The following APBB2 variants were observed in gnomAD, a reference collection of about 807,000 sequenced individuals.
The protein encoded by APBB2 is Fe65-like 1.
Under a neutral mutation model 82.5 loss-of-function variants are expected in APBB2, and 38 were observed. The ratio of observed to expected loss-of-function variants is 0.46; its 90% CI spans 0.36 to 0.60. The LOEUF (loss-of-function observed/expected upper bound fraction) is 0.60. Ranked by LOEUF, APBB2 falls within the 20% of genes least tolerant of loss-of-function variation. The pLI is 0.00. For missense variants in APBB2, 772 were observed against 972.3 expected, an observed-to-expected ratio of 0.79 and a Z score of 2.74; for synonymous variants, 341 against 368.2, an observed-to-expected ratio of 0.93 and a Z score of 0.85.
At chr4:41,176,666 AT>A (rs1227367436) in intron 1 of APBB2, among the ~76,000 whole-genome samples, 1 of 152,236 alleles carries the variant, frequency 6.6e-6, no homozygotes, top group South Asian at 2.1e-4. Context: ...GAACTCAGAC[AT>A]TTTGTAGCTT....
At chr4:41,039,899 G>A (rs1299719942) in intron 4 of APBB2, among the ~76,000 whole-genome samples, 3 of 150,100 alleles carry the variant, frequency 2.0e-5, no homozygotes, top group Admixed American at 6.6e-5. Flanking sequence ...ACCCATACTT[G>A]TTTCCTCAAC....
intron 2 of APBB2, among the ~76,000 whole-genome samples, chr4:41,101,454 G>C (rs936061753): frequency 9.1e-6 from 1 of 109,996 alleles, no homozygotes; most frequent in Non-Finnish European, 1.7e-5. Context: ...CTGGGCGACA[G>C]AGCGAGACTC....
intron 10 of APBB2, among the ~76,000 whole-genome samples, chr4:40,911,732 C>T (rs1002533153): frequency 2.6e-5 from 4 of 152,044 alleles, no homozygotes; most frequent in Admixed American, 2.0e-4. Flanking sequence ...AATGTGTCTG[C>T]AGTCCTCATA....
chr4:40,845,331 T>C (rs1336755491), intron 12 of APBB2, among the ~76,000 whole-genome samples: 3 of 151,610 alleles, frequency 2.0e-5, no homozygotes, highest in African/African-American at 7.3e-5. Flanking sequence ...AGTCTGAGAG[T>C]GGAGAAGGCT....
intron 12 of APBB2, among the ~76,000 whole-genome samples, chr4:40,887,685 G>A (rs16852595): frequency 0.011 from 1,667 of 152,180 alleles, 36 homozygotes; most frequent in African/African-American, 0.038. Context: ...AAAATTTACC[G>A]TTTCCATGCC....
chr4:41,159,314 C>T (rs1381933773), intron 1 of APBB2, among the ~76,000 whole-genome samples: 1 of 152,020 alleles, frequency 6.6e-6, no homozygotes, highest in Non-Finnish European at 1.5e-5. Flanking sequence ...AATATAAAGT[C>T]AGATAAAAAT....
At chr4:41,173,277 T>C (rs1462828931) in intron 1 of APBB2, among the ~76,000 whole-genome samples, 2 of 152,300 alleles carry the variant, frequency 1.3e-5, no homozygotes, top group South Asian at 2.1e-4. Context: ...TTAGTTAACA[T>C]AAAAATGGGG....
At chr4:41,195,811 T>C in intron 1 of APBB2, among the ~76,000 whole-genome samples, 1 of 152,100 alleles carries the variant, frequency 6.6e-6, no homozygotes, top group Non-Finnish European at 1.5e-5. Context: ...CTTCCCGCCA[T>C]ATGCACAACC....
intron 2 of APBB2, among the ~76,000 whole-genome samples, chr4:41,126,211 C>A (rs1171587337): frequency 6.9e-6 from 1 of 144,070 alleles, no homozygotes; most frequent in African/African-American, 2.6e-5. Context: ...GAGATCGTGT[C>A]TCTACAAAAA....
intron 6 of APBB2, among the ~76,000 whole-genome samples, chr4:40,982,297 G>GAAA (rs1798927075): frequency 1.4e-4 from 3 of 21,690 alleles, no homozygotes; most frequent in African/African-American, 4.7e-4. Flanking sequence ...AAGGAAGGAA[G>GAAA]GAAGGAAGGA....
intron 3 of APBB2, among the ~76,000 whole-genome samples, chr4:41,093,124 T>C (rs1450845173): frequency 2.0e-5 from 3 of 152,216 alleles, no homozygotes; most frequent in African/African-American, 4.8e-5. Flanking sequence ...TCCTGGAAGA[T>C]GAAAGAAACC....
At chr4:40,983,038 A>G (rs573670999) in intron 6 of APBB2, among the ~76,000 whole-genome samples, 15 of 152,326 alleles carry the variant, frequency 9.8e-5, no homozygotes, top group African/African-American at 3.4e-4. Flanking sequence ...ATTTGGGGCT[A>G]TGAAAATACT....
rs572063770 is a variant in APBB2, at chr4:40,984,854, T to TA, written c.835+28728dup. 2.1e-3 allele frequency among the ~76,000 whole-genome samples: 318 copies of TA among 152,334 alleles called. 2 individuals are homozygous for TA. The highest frequency in any genetic ancestry group is 7.4e-3 in the African/African-American group (309 of 41,578). On this transcript the variant is annotated intron_variant, in intron 6 of 17. Coordinates refer to ENST00000508593, the MANE Select transcript of APBB2 (RefSeq NM_004307.2). ...AAATACGTGGTACTAGATATTTTTT[T>TA]AAATCACACCCTCTTGGTGAACACC...
rs142904143 is a variant in APBB2, at chr4:40,879,333, C to T, written c.1529+11031G>A. Among the ~76,000 whole-genome samples, 129 of 152,102 alleles carry T rather than the reference C, an allele frequency of 8.5e-4. 2 individuals carry two copies. The highest frequency in any genetic ancestry group is 2.8e-3 in the African/African-American group (116 of 41,520). On this transcript the variant is annotated intron_variant, in intron 12 of 17. Transcript: ENST00000508593. Reference sequence around the variant, plus strand: ...CAAGGCTAGCTGAAAATTCATGACACGATAATTCTCCTACATTCTCATTTT... The same window carrying T: ...CAAGGCTAGCTGAAAATTCATGACATGATAATTCTCCTACATTCTCATTTT...
intron 10 of APBB2, among the ~76,000 whole-genome samples, chr4:40,905,473 T>C (rs1776461425): frequency 6.6e-6 from 1 of 152,214 alleles, no homozygotes; most frequent in African/African-American, 2.4e-5. Flanking sequence ...ACTTCCCTGA[T>C]GTCAAGTCCT....
rs570324772 is a variant in APBB2, at chr4:41,011,431, G to T, written c.835+2152C>A. Among the ~76,000 whole-genome samples the T allele has an allele frequency of 1.3e-4, 20 of 148,948 alleles. No individual in the cohort carries two copies. In the South Asian group the frequency reaches 1.7e-3, roughly 13 times the overall value. ...CCTGACCTGGTGATCCACTGCGCCT[G>T]GCCTAATTTTTATTTTTTGAGATGG... On this transcript the variant is annotated intron_variant, in intron 6 of 17. Coordinates refer to ENST00000508593, the MANE Select transcript of APBB2 (RefSeq NM_004307.2).
chr4:41,000,366 G>A (rs1243209105), intron 6 of APBB2, among the ~76,000 whole-genome samples: 3 of 152,156 alleles, frequency 2.0e-5, no homozygotes, highest in African/African-American at 7.2e-5. Context: ...AGTAATTCTA[G>A]TGACAGCTAA....
At chr4:41,022,647 T>G (rs1056112397) in intron 5 of APBB2, among the ~76,000 whole-genome samples, 1 of 152,236 alleles carries the variant, frequency 6.6e-6, no homozygotes, top group Non-Finnish European at 1.5e-5. Context: ...TTAACCTGTT[T>G]GAGTTTCCCA....
At position 40,812,680 on chromosome 4, in the gene APBB2, G is replaced by C. The variant is rs958968581; in HGVS notation, c.*3412C>G. ...GAACGGGCCATACAAACAGAGGAAA[G>C]CTCTGGGGCTTCCAGGCAATGGCCT... On this transcript the variant is annotated 3_prime_UTR_variant, in exon 18 of 18. Coordinates refer to ENST00000508593, the MANE Select transcript of APBB2 (RefSeq NM_004307.2). The C allele has an allele frequency of 6.6e-6, 1 of 152,206 alleles. No homozygotes were observed. Among genetic ancestry groups the C allele is most frequent in the African/African-American group, 2.4e-5 (1 of 41,456 alleles). 9.4% of individuals were successfully genotyped at this position (152,206 alleles called of 1,614,324 possible).
Sources: allele counts gnomAD v4.1 joint callset (sites outside exome capture counted in the v4.1 genomes callset), GRCh38; gene constraint gnomAD v4.1.1; transcripts MANE v1.5; gene names NCBI Gene and HGNC (gene_info 2026-07-23, HGNC 2026-07-21).